SCFD1: variants seen among roughly 807,000 people sequenced by gnomAD.
The protein encoded by SCFD1 is sec1 family domain-containing protein 1.
In SCFD1, 37 loss-of-function variants were observed where a neutral mutation model predicts 103.2. That is an observed-to-expected ratio of 0.36 (90% CI 0.28 to 0.47). The LOEUF (loss-of-function observed/expected upper bound fraction) is 0.47. SCFD1 is among the 20% of genes least tolerant of loss of function. The probability of loss-of-function intolerance (pLI) is 1.00; values close to 1 mark genes in which losing one functional copy is unlikely to be tolerated. For synonymous variants in SCFD1, 264 were observed against 245.0 expected, an observed-to-expected ratio of 1.08 and a Z score of -0.73; for missense variants, 639 against 761.2, an observed-to-expected ratio of 0.84 and a Z score of 1.89.
intron 15 of SCFD1, among the ~76,000 whole-genome samples, chr14:30,696,815 G>A (rs1890732882): frequency 6.6e-6 from 1 of 152,014 alleles, no homozygotes; most frequent in African/African-American, 2.4e-5. Context: ...AAGTAAGAAG[G>A]GCATCCATGC....
intron 23 of SCFD1, among the ~76,000 whole-genome samples, chr14:30,731,465 T>G (rs1172459109): frequency 6.6e-6 from 1 of 152,248 alleles, no homozygotes; most frequent in Admixed American, 6.5e-5. Context: ...TCAGGATAAT[T>G]GATTCTTCCT....
chr14:30,639,365 G>A (rs879205374), intron 5 of SCFD1, among the ~76,000 whole-genome samples: 2 of 152,098 alleles, frequency 1.3e-5, no homozygotes, highest in Admixed American at 1.3e-4. Context: ...CAAAGAACTG[G>A]CATAACTTTT....
chr14:30,711,415 C>T (rs1369866589), intron 19 of SCFD1, among the ~76,000 whole-genome samples: 1 of 152,166 alleles, frequency 6.6e-6, no homozygotes, highest in Non-Finnish European at 1.5e-5. Context: ...CAAGACCAGC[C>T]TGGGCAACAT....
chr14:30,678,894 G>A (rs891536137), intron 14 of SCFD1, among the ~76,000 whole-genome samples: 1 of 152,102 alleles, frequency 6.6e-6, no homozygotes, highest in African/African-American at 2.4e-5. Flanking sequence ...AGTCTTATAG[G>A]GACTGAATTA....
At chr14:30,708,377 C>G (rs1334777018) in intron 19 of SCFD1, among the ~76,000 whole-genome samples, 1 of 152,038 alleles carries the variant, frequency 6.6e-6, no homozygotes, top group Non-Finnish European at 1.5e-5. Flanking sequence ...TGTTCCTCTC[C>G]CTGTGTCCAT....
At chr14:30,628,061 ACC>A (rs1249411815) in intron 1 of SCFD1, 146 bp from the exon 2 acceptor site, 2 of 553,850 alleles carry the variant, frequency 3.6e-6, no homozygotes, top group Non-Finnish European at 6.4e-6. Context: ...ACAAGATCTG[ACC>A]CCTAGTTCTA....
At chr14:30,639,909 A>G in intron 6 of SCFD1, 45 bp downstream of exon 6, 1 of 1,543,730 alleles carries the variant, frequency 6.5e-7, no homozygotes, top group Non-Finnish European at 8.7e-7. Context: ...AACAAAATGA[A>G]TGGTATACTG....
chr14:30,639,917 C>T, intron 6 of SCFD1, 53 bp downstream of exon 6: 1 of 1,512,872 alleles, frequency 6.6e-7, no homozygotes, highest in Non-Finnish European at 8.9e-7. Context: ...GAATGGTATA[C>T]TGTAAGAAAA....
chr14:30,665,824 A>G (rs946794351), intron 10 of SCFD1, among the ~76,000 whole-genome samples: 1 of 152,246 alleles, frequency 6.6e-6, no homozygotes, highest in African/African-American at 2.4e-5. Context: ...AAAGGGATCA[A>G]TTCAACAAGA....
chr14:30,624,753 C>G (rs1883211659), intron 1 of SCFD1, among the ~76,000 whole-genome samples: 1 of 152,186 alleles, frequency 6.6e-6, no homozygotes, highest in Admixed American at 6.5e-5. Context: ...CCAAAGTGAT[C>G]TTACAGTGTT....
At chr14:30,715,176 A>T (rs1366551519) in intron 19 of SCFD1, 2 of 152,252 alleles carry the variant, frequency 1.3e-5, no homozygotes. Flanking sequence ...TTTTTATTAG[A>T]AATGAACGAA....
chr14:30,674,849 G>A (rs886308031), intron 13 of SCFD1, 135 bp from the exon 14 acceptor site: 2 of 472,572 alleles, frequency 4.2e-6, no homozygotes, highest in African/African-American at 4.0e-5. Flanking sequence ...GATTAAATTA[G>A]TTGATAGTTT....
chr14:30,632,046 GAAAAAAAAAAA>G (rs61645782), intron 3 of SCFD1, among the ~76,000 whole-genome samples: 22 of 70,272 alleles, frequency 3.1e-4, no homozygotes, highest in African/African-American at 8.9e-4. Flanking sequence ...AGATTCTGTT[GAAAAAAAAAAA>G]AAAAAAAAAA....
intron 7 of SCFD1, among the ~76,000 whole-genome samples, chr14:30,644,971 C>T (rs995096679): frequency 6.6e-6 from 1 of 152,088 alleles, no homozygotes; most frequent in African/African-American, 2.4e-5. Context: ...TGAGGTCTTA[C>T]ATTTAAGTCT....
intron 23 of SCFD1, among the ~76,000 whole-genome samples, chr14:30,729,365 T>C (rs998861506): frequency 1.3e-5 from 2 of 152,174 alleles, no homozygotes; most frequent in Non-Finnish European, 2.9e-5. Flanking sequence ...CCTCTAAGAA[T>C]TGTATAATTT....
At position 30,670,401 on chromosome 14, in the gene SCFD1, C is replaced by A; in HGVS notation, c.995+6C>A. The A allele has an allele frequency of 5.3e-6, 8 of 1,504,782 alleles. No individual in the cohort carries two copies. The highest frequency in any genetic ancestry group is 2.6e-5 in the South Asian group (2 of 77,520). 93.2% of individuals were successfully genotyped at this position (1,504,782 alleles called of 1,614,324 possible). ...TGGCAAAAACATAAAGGAAGGTAAGCAAAATATCAATAAGTAAAAGATTCA... is the reference window on the plus strand; with the variant it reads ...TGGCAAAAACATAAAGGAAGGTAAGAAAAATATCAATAAGTAAAAGATTCA... On this transcript the variant is annotated splice_donor_region_variant and intron_variant, in intron 11 of 24. Transcript: ENST00000458591.
intron 1 of SCFD1, among the ~76,000 whole-genome samples, chr14:30,625,034 A>G (rs1883237682): frequency 1.3e-5 from 2 of 151,230 alleles, no homozygotes; most frequent in Non-Finnish European, 3.0e-5. Context: ...TCCCAATCTT[A>G]CCTTTCTTCA....
At chr14:30,667,142 T>G (rs1195083085) in intron 10 of SCFD1, among the ~76,000 whole-genome samples, 2 of 152,212 alleles carry the variant, frequency 1.3e-5, no homozygotes, top group African/African-American at 4.8e-5. Context: ...TGAACATCAA[T>G]GCGAAAATCC....
intron 15 of SCFD1, among the ~76,000 whole-genome samples, chr14:30,699,411 A>G (rs1267962220): frequency 6.6e-6 from 1 of 152,190 alleles, no homozygotes; most frequent in African/African-American, 2.4e-5. Context: ...GTCGAGAACA[A>G]TGCTTTATCA....
Sources: gnomAD v4.1 joint callset for allele counts (sites outside exome capture counted in the v4.1 genomes callset) on GRCh38, gnomAD v4.1.1 for gene constraint, MANE v1.5 for transcripts, NCBI Gene and HGNC (gene_info 2026-07-23, HGNC 2026-07-21) for gene names.